MAST4: variants seen among roughly 807,000 people sequenced by gnomAD.
MAST4 encodes the protein microtubule-associated serine/threonine-protein kinase 4.
Under a neutral mutation model 162.7 loss-of-function variants are expected in MAST4, and 89 were observed. The ratio of observed to expected loss-of-function variants is 0.55; its 90% CI spans 0.46 to 0.65. The LOEUF is 0.65. Among genes scored for constraint, MAST4 ranks in the 30% least tolerant of loss-of-function variants. The pLI is 0.00. For missense variants in MAST4, 3,153 were observed against 3,374.0 expected (o/e 0.93, Z 1.62); for synonymous variants, 1,479 against 1,361.1 (o/e 1.09, Z -1.91).
intron 1 of MAST4, among the ~76,000 whole-genome samples, chr5:66,743,235 T>C (rs1338683710): frequency 6.6e-6 from 1 of 152,220 alleles, no homozygotes; most frequent in East Asian, 1.9e-4. Flanking sequence ...GCATTTCCCA[T>C]GTCCCCTCTT....
At chr5:66,711,084 C>CT (rs1561278986) in intron 1 of MAST4, among the ~76,000 whole-genome samples, 9 of 152,190 alleles carry the variant, frequency 5.9e-5, no homozygotes, top group Non-Finnish European at 1.2e-4. Flanking sequence ...ATATAAATGT[C>CT]ATCATACGGG....
intron 14 of MAST4, among the ~76,000 whole-genome samples, chr5:67,122,350 T>A (rs1767693153): frequency 6.6e-6 from 1 of 152,228 alleles, no homozygotes; most frequent in Non-Finnish European, 1.5e-5. Context: ...ACTTAAGAAC[T>A]TAAATATTTG....
Position 66,596,554 on chromosome 5 carries a change from G to C in MAST4, c.-102G>C. 7.9e-7 allele frequency: 1 copy of C among 1,262,164 alleles called. No individual in the cohort carries two copies. The highest frequency in any genetic ancestry group is 1.0e-6 in the Non-Finnish European group (1 of 999,964). 78.2% of individuals were successfully genotyped at this position (1,262,164 alleles called of 1,614,324 possible). A position where few individuals can be genotyped will look rare whatever the true frequency, so the allele number is the denominator to read the frequency against. On this transcript the variant is annotated 5_prime_UTR_variant, in exon 1 of 29. Transcript: ENST00000403625. ...GGCTCCCTGCAGCCCGGGAGCGGCA[G>C]TGCCAGTGAGCCTGAGCCCAGGAGC...
intron 3 of MAST4, among the ~76,000 whole-genome samples, chr5:66,858,917 A>G (rs1488385937): frequency 2.0e-5 from 3 of 151,964 alleles, no homozygotes; most frequent in African/African-American, 7.2e-5. Context: ...TTTTATTGCT[A>G]TTGTGAATTA....
At chr5:67,104,645 A>C in intron 10 of MAST4, 70 bp downstream of exon 10, 1 of 1,225,496 alleles carries the variant, frequency 8.2e-7, no homozygotes, top group Non-Finnish European at 1.2e-6. Context: ...TTTTTTGCTT[A>C]CAAGTTATAA....
intron 1 of MAST4, among the ~76,000 whole-genome samples, chr5:66,645,774 G>A (rs1332606976): frequency 6.6e-6 from 1 of 152,072 alleles, no homozygotes; most frequent in Non-Finnish European, 1.5e-5. Context: ...AAAAAAGTTC[G>A]AACTGCAGCA....
chr5:66,972,515 TA>T, intron 4 of MAST4, among the ~76,000 whole-genome samples: 1 of 152,216 alleles, frequency 6.6e-6, no homozygotes, highest in Non-Finnish European at 1.5e-5. Flanking sequence ...TTCTTCCCTT[TA>T]AAAAATCTTT....
chr5:66,943,227 A>G (rs1291035568), intron 4 of MAST4, among the ~76,000 whole-genome samples: 1 of 152,154 alleles, frequency 6.6e-6, no homozygotes, highest in Non-Finnish European at 1.5e-5. Context: ...TAATTTCATT[A>G]CCGGTGAAAT....
intron 3 of MAST4, among the ~76,000 whole-genome samples, chr5:66,841,340 G>A (rs192422769): frequency 3.0e-4 from 46 of 152,248 alleles, no homozygotes; most frequent in African/African-American, 1.1e-3. Context: ...GTAATATGAA[G>A]ATACTAAAAA....
chr5:66,834,308 C>A (rs1237199398), intron 3 of MAST4, among the ~76,000 whole-genome samples: 1 of 152,130 alleles, frequency 6.6e-6, no homozygotes, highest in Non-Finnish European at 1.5e-5. Flanking sequence ...AGTTATAGAA[C>A]CCGGAGACGC....
intron 1 of MAST4, among the ~76,000 whole-genome samples, chr5:66,739,087 T>C (rs75184286): frequency 0.017 from 2,629 of 152,308 alleles, 93 homozygotes; most frequent in African/African-American, 0.059. Context: ...ATCACTTAAA[T>C]GCATTTGTGT....
At chr5:66,849,548 A>G (rs755150924) in intron 3 of MAST4, among the ~76,000 whole-genome samples, 5 of 152,076 alleles carry the variant, frequency 3.3e-5, no homozygotes, top group Admixed American at 6.5e-5. Context: ...TTCTTTGCCC[A>G]GAGAAGTAAG....
chr5:67,153,725 T>C (rs1772130888), intron 26 of MAST4, 145 bp downstream of exon 26: 1 of 783,940 alleles, frequency 1.3e-6, no homozygotes, highest in Admixed American at 3.6e-5. Flanking sequence ...ACAAAGATAT[T>C]ATGAATTCTC....
intron 4 of MAST4, among the ~76,000 whole-genome samples, chr5:66,929,893 C>T (rs781581096): frequency 2.0e-5 from 3 of 152,122 alleles, no homozygotes; most frequent in South Asian, 2.1e-4. Context: ...CCAAACCACC[C>T]CTGCTTCTGA....
At chr5:66,824,240 C>T (rs539585845) in intron 3 of MAST4, among the ~76,000 whole-genome samples, 2 of 152,324 alleles carry the variant, frequency 1.3e-5, no homozygotes, top group Non-Finnish European at 2.9e-5. Flanking sequence ...GATCCCACCC[C>T]AGATTGTACT....
At chr5:66,751,722 A>G (rs1212176896) in intron 1 of MAST4, among the ~76,000 whole-genome samples, 1 of 150,812 alleles carries the variant, frequency 6.6e-6, no homozygotes, top group East Asian at 1.9e-4. Flanking sequence ...AACACTCTGC[A>G]GGATATTATC....
Position 67,164,248 on chromosome 5 carries a change from G to A in MAST4, c.5069G>A (p.Arg1690Gln), listed in dbSNP as rs772017807. ...DSKLANIDYL[R>Q]KKMSLEDKED... ...AAGCTGGCCAACATCGATTACCTCC[G>A]AAAGAAAATGTCACTTGAGGACAAA... Residue 1690 changes from arginine to glutamine, a missense_variant, in exon 29 of 29, where the codon CGA becomes CAA. Arg to Gln is a conservative substitution (Grantham distance 43, BLOSUM62 1). Coordinates refer to ENST00000403625, the MANE Select transcript of MAST4 (RefSeq NM_001164664.2). The surrounding 1 kb of genome is among the most constrained non-coding windows in gnomAD (Gnocchi z 5.3). 5.6e-6 allele frequency: 9 copies of A among 1,613,966 alleles called. No homozygotes were observed. In the East Asian group the frequency reaches 6.7e-5, roughly 12 times the overall value.
At chr5:66,925,882 A>G (rs974023548) in intron 4 of MAST4, among the ~76,000 whole-genome samples, 8 of 152,104 alleles carry the variant, frequency 5.3e-5, no homozygotes, top group East Asian at 1.9e-4. Context: ...AGAACATGCT[A>G]TGTTCCTAAT....
intron 4 of MAST4, among the ~76,000 whole-genome samples, chr5:66,944,221 A>G (rs747749892): frequency 1.2e-4 from 18 of 152,158 alleles, no homozygotes; most frequent in Non-Finnish European, 2.4e-4. Flanking sequence ...TTAATTTTCC[A>G]CCAGTACTGC....
Sources: gnomAD v4.1 joint callset for allele counts (sites outside exome capture counted in the v4.1 genomes callset) on GRCh38, gnomAD v4.1.1 for gene constraint, Gnocchi (gnomAD v3.1) non-coding constraint, MANE v1.5 for transcripts, NCBI Gene and HGNC (gene_info 2026-07-23, HGNC 2026-07-21) for gene names.